Variants in STK17A observed in about 807,000 individuals in gnomAD.
The protein encoded by STK17A is serine/threonine kinase 17a, also known as serine/threonine-protein kinase 17A.
Under a neutral mutation model 43.7 loss-of-function variants are expected in STK17A, and 26 were observed. The observed-to-expected ratio is 0.60, with a 90% CI of 0.44 to 0.83. The LOEUF is 0.83. Ranked by LOEUF, STK17A falls within the 40% of genes least tolerant of loss-of-function variation. The pLI, the probability that STK17A is intolerant of heterozygous loss-of-function variation, is 0.00. For missense variants in STK17A, 476 were observed against 511.6 expected (o/e 0.93, Z 0.67); for synonymous variants, 191 against 182.5 (o/e 1.05, Z -0.38).
intron 3 of STK17A, among the ~76,000 whole-genome samples, chr7:43,615,375 T>A (rs1385744713): frequency 6.6e-6 from 1 of 152,038 alleles, no homozygotes; most frequent in Non-Finnish European, 1.5e-5. Flanking sequence ...CAGGTTTTCA[T>A]CATGTTGCCC....
At chr7:43,622,571 A>C in intron 4 of STK17A, 1 of 151,188 alleles carries the variant, frequency 6.6e-6, no homozygotes, top group Non-Finnish European at 1.5e-5. Flanking sequence ...ATCTTTAGTT[A>C]AGTGGATTGT....
intron 6 of STK17A, 53 bp from the exon 7 acceptor site, chr7:43,624,465 A>G (rs1457420508): frequency 2.6e-6 from 4 of 1,517,172 alleles, no homozygotes; most frequent in Non-Finnish European, 3.5e-6. Context: ...CTTATGCTCT[A>G]ATTTTAATTG....
chr7:43,615,686 C>G (rs2083279983), intron 3 of STK17A, among the ~76,000 whole-genome samples: 1 of 152,116 alleles, frequency 6.6e-6, no homozygotes, highest in African/African-American at 2.4e-5. Flanking sequence ...TCCTTTCCAA[C>G]CTCATGCCTC....
At chr7:43,587,154 G>T (rs2330876) in intron 1 of STK17A, among the ~76,000 whole-genome samples, 13,142 of 111,492 alleles carry the variant, frequency 0.12, 1,077 homozygotes, top group Admixed American at 0.19. Flanking sequence ...ATTGTTTTTT[G>T]TTTTTTTTTT....
rs777953142 is a variant in STK17A at position 43,595,998 on chromosome 7, C to A, written c.304C>A (p.Arg102=). 4.3e-6 allele frequency: 7 copies of A among 1,613,744 alleles called. No homozygotes were observed. The African/African-American group carries it at 8.0e-5, about 18-fold the overall frequency. ...AAAAAGAAGAAAAGGCCAAGATTGT[C>A]GGATGGAAATAATTCATGAGATTGC... ...MRKRRKGQDC[R]MEIIHEIAVL... is the part of the protein sequence containing the mutation. The change falls in exon 2 of 7, where the codon CGG becomes AGG. Residue 102 remains arginine (R), a synonymous_variant. Coordinates refer to ENST00000319357, the MANE Select transcript of STK17A (RefSeq NM_004760.3).
chr7:43,600,953 C>T (rs773103664), intron 2 of STK17A, among the ~76,000 whole-genome samples: 3 of 152,042 alleles, frequency 2.0e-5, no homozygotes, highest in Non-Finnish European at 2.9e-5. Context: ...CCAAAATGTT[C>T]CTTATGGCAT....
chr7:43,620,412 C>T (rs887576421), intron 4 of STK17A, among the ~76,000 whole-genome samples: 2 of 152,154 alleles, frequency 1.3e-5, no homozygotes, highest in African/African-American at 2.4e-5. Context: ...CAGTGGCTCA[C>T]GCCTGTAATC....
In STK17A at chr7:43,627,319, T is replaced by C. The variant is rs1279495955; in HGVS notation, c.*2477T>C. Among the ~76,000 whole-genome samples the C allele has an allele frequency of 6.6e-6, 1 of 152,250 alleles. No homozygotes were observed. Among genetic ancestry groups the C allele is most frequent in the Non-Finnish European group, 1.5e-5 (1 of 68,034 alleles). On this transcript the variant is annotated 3_prime_UTR_variant, in exon 7 of 7. Transcript: ENST00000319357. ...GGACAGATGCTCATTGTTGAATCTC[T>C]TAAATTTTTCCAGCTAACCTCAGTT...
At position 43,626,044 on chromosome 7, in the gene STK17A, TA is replaced by T. The variant is rs2084496190; in HGVS notation, c.*1206del. On this transcript the variant is annotated 3_prime_UTR_variant, in exon 7 of 7. Coordinates refer to ENST00000319357, the MANE Select transcript of STK17A (RefSeq NM_004760.3). Reference sequence around the variant, plus strand: ...AAAGTCCAATTAAAATATGGAAATGTAAAAGTGTATGCCGAATACCTTAAAG... The same window carrying T: ...AAAGTCCAATTAAAATATGGAAATGTAAAGTGTATGCCGAATACCTTAAAG... 1 of 152,208 alleles carries T rather than the reference TA, an allele frequency of 6.6e-6. No individual in the cohort carries two copies. Among genetic ancestry groups the T allele is most frequent in the African/African-American group, 2.4e-5 (1 of 41,454 alleles). The allele number at this position is 152,208 out of a possible 1,614,324, so 9.4% of individuals were successfully genotyped here. A position where few individuals can be genotyped will look rare whatever the true frequency, so the allele number is the denominator to read the frequency against.
chr7:43,625,890 A>C lies in STK17A; in HGVS notation c.*1048A>C, dbSNP rs564139882. 1 of 152,310 alleles carries C rather than the reference A, an allele frequency of 6.6e-6. No individual in the cohort carries two copies. The highest frequency in any genetic ancestry group is 6.5e-5 in the Admixed American group (1 of 15,298). The allele number at this position is 152,310 out of a possible 1,614,324, so 9.4% of individuals were successfully genotyped here. Reference sequence around the variant, plus strand: ...TTTATAAACATTTACTTTGTCCATAAAAAATTTACATTGGATACTCTGTAA... The same window carrying C: ...TTTATAAACATTTACTTTGTCCATACAAAATTTACATTGGATACTCTGTAA... On this transcript the variant is annotated 3_prime_UTR_variant, in exon 7 of 7. Transcript: ENST00000319357.
At chr7:43,620,164 A>T (rs372935634) in intron 4 of STK17A, among the ~76,000 whole-genome samples, 1 of 152,224 alleles carries the variant, frequency 6.6e-6, no homozygotes, top group Non-Finnish European at 1.5e-5. Flanking sequence ...TGCTTCTGGC[A>T]GAAAGAAAAA....
chr7:43,610,312 A>G (rs899598949), intron 3 of STK17A, among the ~76,000 whole-genome samples: 1 of 134,906 alleles, frequency 7.4e-6, no homozygotes, highest in East Asian at 2.3e-4. Flanking sequence ...GTGCCACTGC[A>G]CTCCAGCCTG....
Position 43,596,057 on chromosome 7 carries a change from C to A in STK17A, c.363C>A (p.Val121=). The change falls in exon 2 of 7, where the codon GTC becomes GTA. Residue 121 remains valine (V), a synonymous_variant. Coordinates refer to ENST00000319357, the MANE Select transcript of STK17A (RefSeq NM_004760.3). The stretch of plus-strand genomic sequence containing the variant: ...AACTAGCACAAGACAATCCTTGGGT[C>A]ATTAATTTACATGAAGTTTATGAGA... The part of the protein sequence containing the change: ...VLELAQDNPW[V]INLHEVYETA... The A allele has an allele frequency of 6.2e-7, 1 of 1,613,386 alleles. No homozygotes were observed. The highest frequency in any genetic ancestry group is 1.1e-5 in the South Asian group (1 of 90,954).
At chr7:43,608,196 G>T in intron 2 of STK17A, 60 bp from the exon 3 acceptor site, 1 of 1,480,472 alleles carries the variant, frequency 6.8e-7, no homozygotes, top group Non-Finnish European at 9.2e-7. Flanking sequence ...CTGTAGTTTT[G>T]GTGTAAGTGT....
chr7:43,622,997 T>A (rs1470291954), intron 4 of STK17A: 1 of 152,458 alleles, frequency 6.6e-6, no homozygotes, highest in Non-Finnish European at 1.5e-5. Context: ...GCATATTATT[T>A]TTCTCAATTC....
At chr7:43,603,463 A>G (rs150193083) in intron 2 of STK17A, among the ~76,000 whole-genome samples, 6 of 152,312 alleles carry the variant, frequency 3.9e-5, no homozygotes, top group Middle Eastern at 3.4e-3. Context: ...AAGTGAAAAA[A>G]CATAGCCCCT....
At chr7:43,583,480 T>A in intron 1 of STK17A, 31 bp downstream of exon 1, 1 of 1,252,956 alleles carries the variant, frequency 8.0e-7, no homozygotes, top group Non-Finnish European at 1.0e-6. Flanking sequence ...GCGCGGAACC[T>A]TCCCGGACGC....
At position 43,626,516 on chromosome 7, in the gene STK17A, G is replaced by A. The variant is rs567533703; in HGVS notation, c.*1674G>A. ...AGCATTCCTAAACAAGCTCCAAAAT[G>A]CAGAAGAAGAAATTGTGCCACAGTG... On this transcript the variant is annotated 3_prime_UTR_variant, in exon 7 of 7. Coordinates refer to ENST00000319357, the MANE Select transcript of STK17A (RefSeq NM_004760.3). 6.6e-6 allele frequency: 1 copy of A among 152,280 alleles called. No individual in the cohort carries two copies. The highest frequency in any genetic ancestry group is 6.5e-5 in the Admixed American group (1 of 15,298). The allele number at this position is 152,280 out of a possible 1,614,324, so 9.4% of individuals were successfully genotyped here. A position where few individuals can be genotyped will look rare whatever the true frequency, so the allele number is the denominator to read the frequency against.
At chr7:43,590,258 T>C (rs1207549018) in intron 1 of STK17A, among the ~76,000 whole-genome samples, 1 of 151,520 alleles carries the variant, frequency 6.6e-6, no homozygotes, top group Non-Finnish European at 1.5e-5. Flanking sequence ...AATTATCTTT[T>C]CTAAACAATT....
Sources: gnomAD v4.1 joint callset for allele counts (sites outside exome capture counted in the v4.1 genomes callset) on GRCh38, gnomAD v4.1.1 for gene constraint, MANE v1.5 for transcripts, NCBI Gene and HGNC (gene_info 2026-07-23, HGNC 2026-07-21) for gene names.